ADGRV1: variants seen among roughly 807,000 people sequenced by gnomAD.
ADGRV1 encodes adhesion G protein-coupled receptor V1, also known as G-protein coupled receptor 98.
ADGRV1 carries 359 observed loss-of-function variants against 596.2 expected under a neutral mutation model. The observed-to-expected ratio is 0.60, with a 90% CI of 0.55 to 0.66. The LOEUF (loss-of-function observed/expected upper bound fraction) is 0.66. Ranked by LOEUF, ADGRV1 falls within the 30% of genes least tolerant of loss-of-function variation. The pLI is 0.00. For missense variants in ADGRV1, 7,274 were observed against 7,575.6 expected, an observed-to-expected ratio of 0.96 and a Z score of 1.48; for synonymous variants, 2,681 against 2,679.2, an observed-to-expected ratio of 1.00 and a Z score of -0.02.
intron 11 of ADGRV1, 31 bp downstream of exon 11, chr5:90,637,979 C>T: frequency 2.8e-6 from 4 of 1,442,240 alleles, no homozygotes; most frequent in African/African-American, 1.4e-5. Flanking sequence ...TGTTTAGTAT[C>T]ATTTATGTTT....
intron 84 of ADGRV1, among the ~76,000 whole-genome samples, chr5:90,979,881 A>G (rs1385288221): frequency 6.6e-6 from 1 of 152,232 alleles, no homozygotes. Flanking sequence ...AGTTACTAAT[A>G]ATCATGTCCT....
intron 84 of ADGRV1, among the ~76,000 whole-genome samples, chr5:90,973,223 CA>C (rs1361275977): frequency 6.6e-6 from 1 of 151,914 alleles, no homozygotes; most frequent in Non-Finnish European, 1.5e-5. Flanking sequence ...GCCTACCAAC[CA>C]AAAAAAGTCC....
intron 59 of ADGRV1, among the ~76,000 whole-genome samples, chr5:90,773,181 A>T (rs958203602): frequency 2.0e-5 from 3 of 151,772 alleles, no homozygotes; most frequent in Non-Finnish European, 4.4e-5. Context: ...AAAAAAAAAA[A>T]AAATACATTG....
At chr5:91,084,612 C>T (rs1323639946) in intron 86 of ADGRV1, among the ~76,000 whole-genome samples, 3 of 152,114 alleles carry the variant, frequency 2.0e-5, no homozygotes, top group South Asian at 2.1e-4. Context: ...GAAATAGGAA[C>T]GCTTTTACAC....
At chr5:90,596,617 G>A (rs995490770) in intron 1 of ADGRV1, among the ~76,000 whole-genome samples, 6 of 152,122 alleles carry the variant, frequency 3.9e-5, no homozygotes, top group African/African-American at 2.4e-5. Context: ...GCGAAACCCC[G>A]TCTCCACCAA....
chr5:90,568,012 A>G (rs1755877785), intron 1 of ADGRV1, among the ~76,000 whole-genome samples: 1 of 152,188 alleles, frequency 6.6e-6, no homozygotes, highest in South Asian at 2.1e-4. Flanking sequence ...TATTGGGATT[A>G]CAGGCATGAG....
chr5:91,048,775 CTTAGGTTCT>C (rs1196580481), intron 85 of ADGRV1, among the ~76,000 whole-genome samples: 6 of 152,114 alleles, frequency 3.9e-5, no homozygotes, highest in African/African-American at 1.4e-4. Flanking sequence ...TACCTGATGC[CTTAGGTTCT>C]TGATCAAAAC....
chr5:90,878,130 A>G (rs573339350), intron 83 of ADGRV1, among the ~76,000 whole-genome samples: 1 of 152,326 alleles, frequency 6.6e-6, no homozygotes, highest in South Asian at 2.1e-4. Context: ...AAAACAATAT[A>G]AGCAATTTCT....
At chr5:90,734,645 G>T (rs1197254737) in intron 50 of ADGRV1, among the ~76,000 whole-genome samples, 2 of 146,248 alleles carry the variant, frequency 1.4e-5, no homozygotes, top group African/African-American at 5.1e-5. Context: ...GAGTGCAGTG[G>T]TGCAATCTCA....
intron 17 of ADGRV1, 64 bp downstream of exon 17, chr5:90,647,828 A>C (rs1354442614): frequency 1.1e-5 from 15 of 1,422,230 alleles, no homozygotes; most frequent in Non-Finnish European, 1.4e-5. Flanking sequence ...GAAATTAAGC[A>C]CTGCAGTCCA....
chr5:90,706,246 C>T lies in ADGRV1; in HGVS notation c.8582C>T (p.Thr2861Ile), dbSNP rs1748576456. The change falls in exon 38 of 90, where the codon ACA becomes ATA. Residue 2861 changes from threonine (T) to isoleucine (I), a missense_variant. Thr to Ile is a moderately conservative substitution (Grantham distance 89, BLOSUM62 -1). Transcript: ENST00000405460. ...EFGSLGAINV[T>I]YTTVPGMLSL... ...ATTCAATTAGGAGCTATCAATGTCACATATACCACGGTTCCTGGAATGCTG... is the reference window on the plus strand; with the variant it reads ...ATTCAATTAGGAGCTATCAATGTCATATATACCACGGTTCCTGGAATGCTG... 2 of 1,610,774 alleles carry T rather than the reference C, an allele frequency of 1.2e-6. No individual in the cohort carries two copies. The highest frequency in any genetic ancestry group is 1.3e-5 in the African/African-American group (1 of 74,746).
intron 78 of ADGRV1, among the ~76,000 whole-genome samples, chr5:90,842,738 C>G (rs925301949): frequency 1.1e-4 from 17 of 151,974 alleles, no homozygotes; most frequent in African/African-American, 2.4e-4. Flanking sequence ...ATTGTAAAAT[C>G]AAGTAGAAAA....
rs780130028 is a variant in ADGRV1, at chr5:90,643,915, T to C, written c.2666T>C (p.Ile889Thr). The change falls in exon 14 of 90, where the codon ATT (isoleucine) becomes ACT (threonine). Residue 889 changes from isoleucine to threonine, a missense_variant. By Grantham distance (89) the Ile-to-Thr change is moderately conservative. This residue lies in a region of ADGRV1 where 1,715 missense variants were observed against 1,708.8 expected (regional missense o/e 1.00). Transcript: ENST00000405460. ...TILKNDDPHGIIEFVSDGLIV... is the reference protein window; with the variant it reads ...TILKNDDPHGTIEFVSDGLIV... ...CTGAAAAATGATGATCCTCATGGCA[T>C]TATAGAATTTGTTTCTGATGGTCTA... The C allele has an allele frequency of 8.1e-6, 13 of 1,612,270 alleles. No homozygotes were observed. In the East Asian group the frequency reaches 2.5e-4, roughly 30 times the overall value.
chr5:91,126,117 C>T (rs1793732058), intron 87 of ADGRV1, among the ~76,000 whole-genome samples: 1 of 152,202 alleles, frequency 6.6e-6, no homozygotes, highest in Admixed American at 6.5e-5. Flanking sequence ...AACCAGTTCC[C>T]TGAAGACCCA....
At chr5:91,080,991 T>TAAAAC (rs1789313333) in intron 86 of ADGRV1, among the ~76,000 whole-genome samples, 1 of 152,148 alleles carries the variant, frequency 6.6e-6, no homozygotes, top group African/African-American at 2.4e-5. Flanking sequence ...CCTGGTGTAT[T>TAAAAC]AGCTCAGGCT....
intron 83 of ADGRV1, among the ~76,000 whole-genome samples, chr5:90,917,485 A>C (rs1056108852): frequency 1.3e-5 from 2 of 152,204 alleles, no homozygotes; most frequent in Non-Finnish European, 2.9e-5. Flanking sequence ...ATGTGCTAGC[A>C]GTGGGAATAC....
chr5:90,757,805 G>A (rs1581022531), intron 57 of ADGRV1, among the ~76,000 whole-genome samples: 1 of 152,204 alleles, frequency 6.6e-6, no homozygotes, highest in East Asian at 1.9e-4. Flanking sequence ...TCAGTAAGTG[G>A]AAAAGGCATA....
intron 6 of ADGRV1, chr5:90,625,664 G>T (rs1764647712): frequency 6.6e-6 from 1 of 152,652 alleles, no homozygotes; most frequent in African/African-American, 2.4e-5. Context: ...GCAGTGGCGC[G>T]ATCTCGGCTC....
rs1399295641 is a variant in ADGRV1 at position 90,584,378 on chromosome 5, T to C, written c.22+25461T>C. Among the ~76,000 whole-genome samples the C allele has an allele frequency of 3.3e-5, 5 of 152,338 alleles. No individual in the cohort carries two copies. In the East Asian group the frequency reaches 9.6e-4, roughly 29 times the overall value. ...CAGCCCCTAAGCATTTTGTTTTTAA[T>C]TTTTACTTTTCTTCTTGAAGCGGAG... On this transcript the variant is annotated intron_variant, in intron 1 of 89. Coordinates refer to ENST00000405460, the MANE Select transcript of ADGRV1 (RefSeq NM_032119.4).
Sources: allele counts gnomAD v4.1 joint callset (sites outside exome capture counted in the v4.1 genomes callset), GRCh38; gene constraint gnomAD v4.1.1; regional missense constraint gnomAD v4.1.1; transcripts MANE v1.5; gene names NCBI Gene and HGNC (gene_info 2026-07-23, HGNC 2026-07-21).